CLPTM1: variants seen among roughly 807,000 people sequenced by gnomAD.
CLPTM1 encodes putative lipid scramblase CLPTM1.
CLPTM1 carries 21 observed loss-of-function variants against 77.3 expected under a neutral mutation model. The observed-to-expected ratio is 0.27, with a 90% CI of 0.19 to 0.39. The LOEUF (loss-of-function observed/expected upper bound fraction) is 0.39. CLPTM1 is among the 10% of genes least tolerant of loss of function. The pLI, the probability that CLPTM1 is intolerant of heterozygous loss-of-function variation, is 1.00. For missense variants in CLPTM1, 642 were observed against 921.2 expected (o/e 0.70, Z 3.92); for synonymous variants, 373 against 381.0 (o/e 0.98, Z 0.24).
At chr19:44,957,849 C>T (rs1752450932) in intron 1 of CLPTM1, among the ~76,000 whole-genome samples, 1 of 152,226 alleles carries the variant, frequency 6.6e-6, no homozygotes, top group Non-Finnish European at 1.5e-5. Flanking sequence ...ATTGAGTCTA[C>T]TCCATGCTAG....
chr19:44,961,582 T>C (rs1328968156), intron 1 of CLPTM1, among the ~76,000 whole-genome samples: 1 of 152,172 alleles, frequency 6.6e-6, no homozygotes, highest in African/African-American at 2.4e-5. Flanking sequence ...AGGTCTCAGC[T>C]TCAATGCCCC....
intron 5 of CLPTM1, among the ~76,000 whole-genome samples, chr19:44,980,073 G>C (rs938407379): frequency 2.0e-5 from 3 of 152,130 alleles, no homozygotes; most frequent in Non-Finnish European, 4.4e-5. Context: ...AGAACCTGCA[G>C]ACAGTGAACC....
upstream of CLPTM1, chr19:44,955,061 C>T (rs1970436394): frequency 2.0e-6 from 3 of 1,535,664 alleles, no homozygotes; most frequent in Non-Finnish European, 2.6e-6. Context: ...ACAGGATGTC[C>T]CGAAAGGCTC....
chr19:44,977,020 G>A (rs1970815189), intron 4 of CLPTM1, among the ~76,000 whole-genome samples: 1 of 152,144 alleles, frequency 6.6e-6, no homozygotes, highest in Non-Finnish European at 1.5e-5. Context: ...CGTTGACTGA[G>A]CTGTGTGCCA....
At chr19:44,977,154 G>A (rs1273857854) in intron 4 of CLPTM1, among the ~76,000 whole-genome samples, 189 bp from the exon 5 acceptor site, 1 of 152,164 alleles carries the variant, frequency 6.6e-6, no homozygotes, top group Non-Finnish European at 1.5e-5. Flanking sequence ...GGTAGAGCGG[G>A]CGTCTGAGTC....
In CLPTM1 at chr19:44,992,055, G is replaced by A. The variant is rs1010150443; in HGVS notation, c.1556-178G>A. Among the ~76,000 whole-genome samples, 4 of 152,058 alleles carry A rather than the reference G, an allele frequency of 2.6e-5. No individual in the cohort carries two copies. The highest frequency in any genetic ancestry group is 5.9e-5 in the Non-Finnish European group (4 of 68,008). On this transcript the variant is annotated intron_variant, in intron 12 of 13. Coordinates refer to ENST00000337392, the MANE Select transcript of CLPTM1 (RefSeq NM_001294.4). This position sits in a 1 kb window ranked among gnomAD's most constrained non-coding sequence, Gnocchi z 7.7. ...CAGATATCCAGGGAGAGAGCTGTGC[G>A]GATGTGACAGAAGGCCCCACCAGTG... is the stretch of plus-strand genomic sequence containing the variant.
At chr19:44,986,668 G>A in intron 7 of CLPTM1, 93 bp downstream of exon 7, 1 of 1,494,688 alleles carries the variant, frequency 6.7e-7, no homozygotes, top group Non-Finnish European at 9.0e-7. Context: ...GTCCCCCTGA[G>A]AGAGCTTTCC....
intron 9 of CLPTM1, among the ~76,000 whole-genome samples, chr19:44,989,805 C>T (rs189065016): frequency 4.5e-4 from 68 of 152,290 alleles, no homozygotes; most frequent in Non-Finnish European, 2.8e-4. Context: ...GAGGAGCATG[C>T]TGACATGGAT....
intron 5 of CLPTM1, among the ~76,000 whole-genome samples, chr19:44,980,508 C>CAAAA (rs74516090): frequency 5.6e-4 from 52 of 92,806 alleles, no homozygotes; most frequent in East Asian, 9.6e-4. Flanking sequence ...GACTCCATCT[C>CAAAA]AAAAAAAAAA....
chr19:44,963,575 T>G (rs1600012155), intron 2 of CLPTM1, among the ~76,000 whole-genome samples: 1 of 151,996 alleles, frequency 6.6e-6, no homozygotes, highest in African/African-American at 2.4e-5. Flanking sequence ...TCCGCCTGCC[T>G]TGGCCTCCCA....
intron 3 of CLPTM1, among the ~76,000 whole-genome samples, 165 bp from the exon 4 acceptor site, chr19:44,974,274 A>G (rs1970770650): frequency 6.6e-6 from 1 of 152,124 alleles, no homozygotes; most frequent in South Asian, 2.1e-4. Flanking sequence ...TGGTGGTATG[A>G]GAAAAGAGAA....
At chr19:44,960,934 G>A (rs1429104428) in intron 1 of CLPTM1, among the ~76,000 whole-genome samples, 1 of 152,194 alleles carries the variant, frequency 6.6e-6, no homozygotes, top group Non-Finnish European at 1.5e-5. Context: ...ACAGGACTGG[G>A]GAGCTAGCAG....
At chr19:44,968,650 G>C (rs912439595) in intron 2 of CLPTM1, among the ~76,000 whole-genome samples, 17 of 152,180 alleles carry the variant, frequency 1.1e-4, no homozygotes, top group Non-Finnish European at 1.2e-4. Context: ...CGTTCTTCAG[G>C]GGACTGGGGA....
At chr19:44,977,889 C>T (rs1406344658) in intron 5 of CLPTM1, among the ~76,000 whole-genome samples, 1 of 151,984 alleles carries the variant, frequency 6.6e-6, no homozygotes, top group Non-Finnish European at 1.5e-5. Flanking sequence ...ACAAGGTGGG[C>T]AGATTGCTTG....
intron 2 of CLPTM1, among the ~76,000 whole-genome samples, chr19:44,972,604 C>T (rs1327497427): frequency 2.6e-5 from 4 of 152,080 alleles, no homozygotes; most frequent in East Asian, 1.9e-4. Context: ...GCTTTTGAAG[C>T]GCTAGGATTC....
At chr19:44,958,333 T>C (rs139156726) in intron 1 of CLPTM1, among the ~76,000 whole-genome samples, 2 of 149,680 alleles carry the variant, frequency 1.3e-5, no homozygotes, top group East Asian at 3.9e-4. Flanking sequence ...TTGGAGGCCA[T>C]GGGGAGGACT....
At chr19:44,957,240 A>T (rs187134765) in intron 1 of CLPTM1, among the ~76,000 whole-genome samples, 3 of 152,196 alleles carry the variant, frequency 2.0e-5, no homozygotes, top group East Asian at 1.9e-4. Flanking sequence ...TAGCTAGTTG[A>T]TGTGTATTAG....
At chr19:44,961,604 A>G (rs1322180888) in intron 1 of CLPTM1, among the ~76,000 whole-genome samples, 1 of 152,068 alleles carries the variant, frequency 6.6e-6, no homozygotes, top group Non-Finnish European at 1.5e-5. Flanking sequence ...TTCTCCAGGA[A>G]GTTGCCCCGA....
intron 3 of CLPTM1, among the ~76,000 whole-genome samples, chr19:44,973,871 C>T (rs1970763669): frequency 6.6e-6 from 1 of 150,714 alleles, no homozygotes; most frequent in African/African-American, 2.5e-5. Context: ...TCCAGTGATC[C>T]TCCTGCCTCA....
Sources: gnomAD v4.1 joint callset for allele counts (sites outside exome capture counted in the v4.1 genomes callset) on GRCh38, gnomAD v4.1.1 for gene constraint, Gnocchi (gnomAD v3.1) non-coding constraint, MANE v1.5 for transcripts, NCBI Gene and HGNC (gene_info 2026-07-23, HGNC 2026-07-21) for gene names.